PDXK: variants seen among roughly 807,000 people sequenced by gnomAD.
PDXK encodes epididymis secretory sperm binding protein Li 1a.
A neutral mutation model predicts 43.2 loss-of-function variants in PDXK; 15 were observed. The observed-to-expected ratio is 0.35, with a 90% CI of 0.23 to 0.53. PDXK has a LOEUF of 0.53. Among genes scored for constraint, PDXK ranks in the 20% least tolerant of loss-of-function variants. The pLI is 0.92. For missense variants in PDXK, 343 were observed against 417.0 expected (o/e 0.82, Z 1.54); for synonymous variants, 172 against 165.4 (o/e 1.04, Z -0.31).
chr21:43,722,850 T>C (rs1337720655), intron 1 of PDXK, among the ~76,000 whole-genome samples: 1 of 152,196 alleles, frequency 6.6e-6, no homozygotes, highest in African/African-American at 2.4e-5. Context: ...TTTCTTTCTT[T>C]TTTTTGAGAC....
At chr21:43,726,663 C>T (rs1209011435) in intron 1 of PDXK, among the ~76,000 whole-genome samples, 1 of 152,200 alleles carries the variant, frequency 6.6e-6, no homozygotes. Flanking sequence ...CCACCTCAGC[C>T]TCCCAAAGTG....
In PDXK at chr21:43,754,146, G is replaced by A. The variant is rs765382100; in HGVS notation, c.759+427G>A. ...TGACCACGGCAGTGACCTGAGGGAC[G>A]GAAAGGCCGGAGCCGCCCTTCGGGG... is the stretch of plus-strand genomic sequence containing the variant. On this transcript the variant is annotated intron_variant, in intron 9 of 10. Transcript: ENST00000291565. This position sits in a 1 kb window ranked among gnomAD's most constrained non-coding sequence, Gnocchi z 5.5. 3.9e-5 allele frequency among the ~76,000 whole-genome samples: 6 copies of A among 152,320 alleles called. No homozygotes were observed. Among genetic ancestry groups the A allele is most frequent in the East Asian group, 1.9e-4 (1 of 5,178 alleles).
At chr21:43,739,147 G>T (rs1478031622) in intron 2 of PDXK, among the ~76,000 whole-genome samples, 4 of 151,950 alleles carry the variant, frequency 2.6e-5, no homozygotes, top group African/African-American at 9.7e-5. Flanking sequence ...TGTTCACCAG[G>T]TTGGTCTCGA....
At position 43,761,380 on chromosome 21, in the gene PDXK, C is replaced by T. The variant is rs978095351; in HGVS notation, c.*5317C>T. 2 of 156,140 alleles carry T rather than the reference C, an allele frequency of 1.3e-5. No individual in the cohort carries two copies. The highest frequency in any genetic ancestry group is 1.9e-4 in the East Asian group (1 of 5,316). 9.7% of individuals were successfully genotyped at this position (156,140 alleles called of 1,614,324 possible). A position where few individuals can be genotyped will look rare whatever the true frequency, so the allele number is the denominator to read the frequency against. On this transcript the variant is annotated 3_prime_UTR_variant, in exon 11 of 11. Transcript: ENST00000291565. ...GGCCACTCACCCCATGCATCTCTGT[C>T]CTGCCCGTCAGTGCTGGGACGGACA...
Position 43,753,257 on chromosome 21 carries a change from TG to T in PDXK, c.623-323del, listed in dbSNP as rs200403419. ...ACACACGGACACACATGCATACACG[TG>T]GGCACACGCACACACATGCACACAC... On this transcript the variant is annotated intron_variant, in intron 8 of 10. Transcript: ENST00000291565. 4.2e-3 allele frequency among the ~76,000 whole-genome samples: 644 copies of T among 152,134 alleles called. 6 individuals are homozygous for T. The highest frequency in any genetic ancestry group is 0.015 in the African/African-American group (625 of 41,496).
Position 43,737,309 on chromosome 21 carries a change from G to C in PDXK, c.142+3186G>C. On this transcript the variant is annotated intron_variant, in intron 2 of 10. Coordinates refer to ENST00000291565, the MANE Select transcript of PDXK (RefSeq NM_003681.5). This position sits in a 1 kb window ranked among gnomAD's most constrained non-coding sequence, Gnocchi z 4.8. ...CCTCGCCGCCTCGAGGCTGCTGCTCGCACTTCTGCCCCTTCCCCCGGCCAG... is the reference window on the plus strand; with the variant it reads ...CCTCGCCGCCTCGAGGCTGCTGCTCCCACTTCTGCCCCTTCCCCCGGCCAG... 1 of 1,385,598 alleles carries C rather than the reference G, an allele frequency of 7.2e-7. No homozygotes were observed. The highest frequency in any genetic ancestry group is 9.3e-7 in the Non-Finnish European group (1 of 1,070,378). The allele number at this position is 1,385,598 out of a possible 1,614,324, so 85.8% of individuals were successfully genotyped here. A position where few individuals can be genotyped will look rare whatever the true frequency, so the allele number is the denominator to read the frequency against.
intron 2 of PDXK, among the ~76,000 whole-genome samples, chr21:43,740,725 CG>C (rs1171823031): frequency 2.0e-5 from 3 of 151,998 alleles, no homozygotes; most frequent in Non-Finnish European, 4.4e-5. Context: ...GGCTACCCAT[CG>C]GGCCAAGGGC....
chr21:43,756,276 C>T lies in PDXK; in HGVS notation c.*213C>T, dbSNP rs1007368293. On this transcript the variant is annotated 3_prime_UTR_variant, in exon 11 of 11. Transcript: ENST00000291565. ...TCACAGAAATTTGTGATCTGAAAAC[C>T]CGGCTCCCTTCCCCACAAGGCTCCT... 1.1e-5 allele frequency: 5 copies of T among 447,854 alleles called. No homozygotes were observed. Among genetic ancestry groups the T allele is most frequent in the Admixed American group, 7.6e-5 (2 of 26,450 alleles). 27.7% of individuals were successfully genotyped at this position (447,854 alleles called of 1,614,324 possible).
intron 1 of PDXK, among the ~76,000 whole-genome samples, chr21:43,726,875 G>T (rs192434655): frequency 1.3e-5 from 2 of 152,260 alleles, no homozygotes; most frequent in Admixed American, 6.5e-5. Flanking sequence ...GTGTATGTGG[G>T]TGTGCTTGTG....
At position 43,756,875 on chromosome 21, in the gene PDXK, G is replaced by A. The variant is rs1294815035; in HGVS notation, c.*812G>A. 1.3e-5 allele frequency: 2 copies of A among 152,512 alleles called. No individual in the cohort carries two copies. Among genetic ancestry groups the A allele is most frequent in the Admixed American group, 6.5e-5 (1 of 15,308 alleles). 9.4% of individuals were successfully genotyped at this position (152,512 alleles called of 1,614,324 possible). On this transcript the variant is annotated 3_prime_UTR_variant, in exon 11 of 11. Coordinates refer to ENST00000291565, the MANE Select transcript of PDXK (RefSeq NM_003681.5). ...GAAGCTCCAGAGAACCACCCCGTCAGGTTCCTTGTGGAAGCTCCCCTCATC... is the reference window on the plus strand; with the variant it reads ...GAAGCTCCAGAGAACCACCCCGTCAAGTTCCTTGTGGAAGCTCCCCTCATC...
intron 7 of PDXK, among the ~76,000 whole-genome samples, chr21:43,750,950 A>G (rs2876910): frequency 9.1e-6 from 1 of 109,908 alleles, no homozygotes; most frequent in African/African-American, 4.1e-5. Context: ...ACGTGTTTGC[A>G]CATGTGTGTG....
chr21:43,719,618 T>C, intron 1 of PDXK: 3 of 985,278 alleles, frequency 3.0e-6, no homozygotes, highest in Non-Finnish European at 3.6e-6. Flanking sequence ...GGCGTCGGGG[T>C]ACGCGGGTAG....
intron 1 of PDXK, among the ~76,000 whole-genome samples, chr21:43,721,040 C>T (rs2083202734): frequency 6.6e-6 from 1 of 152,198 alleles, no homozygotes; most frequent in Admixed American, 6.5e-5. Flanking sequence ...CCTCGGGTCT[C>T]CCCAGTGCAC....
At chr21:43,727,265 A>G (rs1472062052) in intron 1 of PDXK, among the ~76,000 whole-genome samples, 2 of 152,208 alleles carry the variant, frequency 1.3e-5, no homozygotes, top group African/African-American at 4.8e-5. Context: ...GCTGAGGAAT[A>G]AGAACAGAGG....
intron 1 of PDXK, among the ~76,000 whole-genome samples, chr21:43,721,155 G>A (rs1173980483): frequency 6.6e-6 from 1 of 152,228 alleles, no homozygotes; most frequent in Admixed American, 6.5e-5. Flanking sequence ...GATGACCGAG[G>A]GGCTGAGATG....
At chr21:43,747,160 C>T (rs1429337504) in intron 5 of PDXK, 4 of 152,342 alleles carry the variant, frequency 2.6e-5, no homozygotes, top group Non-Finnish European at 5.9e-5. Context: ...CTAGAAACCA[C>T]TTAACCCATG....
rs113426459 is a variant in PDXK, at chr21:43,735,368, G to C, written c.142+1245G>C. Among the ~76,000 whole-genome samples the C allele has an allele frequency of 1.3e-5, 2 of 152,224 alleles. No individual in the cohort carries two copies. The highest frequency in any genetic ancestry group is 1.3e-4 in the Admixed American group (2 of 15,284). ...TCAGTGCTGGTTCAACATCCACACC[G>C]ACCCGGCTGCCCTTGCATGGATTCC... On this transcript the variant is annotated intron_variant, in intron 2 of 10. Transcript: ENST00000291565. The surrounding 1 kb of genome is among the most constrained non-coding windows in gnomAD (Gnocchi z 5.3).
intron 1 of PDXK, among the ~76,000 whole-genome samples, chr21:43,731,243 CCTT>C (rs372609721): frequency 2.0e-5 from 3 of 152,320 alleles, no homozygotes; most frequent in African/African-American, 7.2e-5. Flanking sequence ...GTCGTTGAGT[CCTT>C]CTTTTAACTT....
At position 43,719,410 on chromosome 21, in the gene PDXK, C is replaced by A. The variant is rs1396287817; in HGVS notation, c.87+29C>A. Reference sequence around the variant, plus strand: ...CGCATCCGCCCGCAGCCCGGGCTTACGTAACCCGAGCCCGTGACCTTGGCG... The same window carrying A: ...CGCATCCGCCCGCAGCCCGGGCTTAAGTAACCCGAGCCCGTGACCTTGGCG... On this transcript the variant is annotated intron_variant, in intron 1 of 10. Transcript: ENST00000291565. 7 of 1,507,298 alleles carry A rather than the reference C, an allele frequency of 4.6e-6. No homozygotes were observed. In the East Asian group the frequency reaches 1.9e-4, roughly 41 times the overall value. 93.4% of individuals were successfully genotyped at this position (1,507,298 alleles called of 1,614,324 possible).
Sources: allele counts gnomAD v4.1 joint callset (sites outside exome capture counted in the v4.1 genomes callset), GRCh38; gene constraint gnomAD v4.1.1; non-coding constraint Gnocchi (gnomAD v3.1); transcripts MANE v1.5; gene names NCBI Gene and HGNC (gene_info 2026-07-23, HGNC 2026-07-21).